Variants in LINGO2 observed in about 807,000 individuals in gnomAD.
The protein encoded by LINGO2 is leucine-rich repeat and immunoglobulin-like domain-containing nogo receptor-interacting protein 2.
A neutral mutation model predicts 30.6 loss-of-function variants in LINGO2; 14 were observed. That is an observed-to-expected ratio of 0.46 (90% confidence interval 0.30 to 0.72). The LOEUF (loss-of-function observed/expected upper bound fraction) is 0.72. Among genes scored for constraint, LINGO2 ranks in the 30% least tolerant of loss-of-function variants. The pLI, the probability that LINGO2 is intolerant of heterozygous loss-of-function variation, is 0.07. For missense variants in LINGO2, 729 were observed against 751.7 expected, an observed-to-expected ratio of 0.97 and a Z score of 0.35; for synonymous variants, 317 against 288.5, an observed-to-expected ratio of 1.10 and a Z score of -1.00.
the LINGO2 span, among the ~76,000 whole-genome samples, chr9:29,122,690 C>T: frequency 6.6e-6 from 1 of 152,022 alleles, no homozygotes; most frequent in African/African-American, 2.4e-5. Flanking sequence ...TCAAAGGTGA[C>T]TTTGTCAGCT....
At chr9:28,997,899 A>G in the LINGO2 span, among the ~76,000 whole-genome samples, 1 of 152,262 alleles carries the variant, frequency 6.6e-6, no homozygotes, top group African/African-American at 2.4e-5. Context: ...TTATTTTTCA[A>G]TTATCATGCA....
intron 2 of LINGO2, among the ~76,000 whole-genome samples, chr9:28,376,846 A>G (rs1198823684): frequency 6.6e-6 from 1 of 152,138 alleles, no homozygotes; most frequent in Non-Finnish European, 1.5e-5. Context: ...CCTTTCCATT[A>G]TATCTTTCTA....
chr9:28,152,367 G>A (rs1828024916), intron 4 of LINGO2, among the ~76,000 whole-genome samples: 1 of 151,906 alleles, frequency 6.6e-6, no homozygotes, highest in African/African-American at 2.4e-5. Flanking sequence ...CTCCTCTTCC[G>A]TTTCTGCCTG....
At chr9:29,042,242 C>T in the LINGO2 span, among the ~76,000 whole-genome samples, 2 of 151,920 alleles carry the variant, frequency 1.3e-5, no homozygotes, top group Non-Finnish European at 2.9e-5. Context: ...GGCCATACCA[C>T]CCTGAATGCA....
the LINGO2 span, among the ~76,000 whole-genome samples, chr9:28,738,845 T>C: frequency 6.6e-6 from 1 of 152,056 alleles, no homozygotes; most frequent in Non-Finnish European, 1.5e-5. Flanking sequence ...TAAGTAAATA[T>C]ATTTGATAAC....
the LINGO2 span, among the ~76,000 whole-genome samples, chr9:29,039,499 C>T: frequency 6.6e-6 from 1 of 152,142 alleles, no homozygotes; most frequent in Non-Finnish European, 1.5e-5. Flanking sequence ...TTACTGCCAA[C>T]CATGGTGACA....
chr9:29,195,699 A>G, the LINGO2 span, among the ~76,000 whole-genome samples: 4 of 152,150 alleles, frequency 2.6e-5, no homozygotes, highest in African/African-American at 9.7e-5. Flanking sequence ...TTTTGCTAAT[A>G]TTGAATTTTG....
intron 4 of LINGO2, among the ~76,000 whole-genome samples, chr9:28,156,814 C>T (rs1828144236): frequency 6.6e-6 from 1 of 152,246 alleles, no homozygotes. Flanking sequence ...TGAAATCCAG[C>T]AGGGCAGTCA....
chr9:28,672,517 T>C (rs1026152221), upstream of LINGO2, among the ~76,000 whole-genome samples: 2 of 152,202 alleles, frequency 1.3e-5, no homozygotes, highest in African/African-American at 4.8e-5. Flanking sequence ...TTGGCTTACA[T>C]ATTGGATATC....
At chr9:28,511,064 G>A (rs1016925072) in intron 1 of LINGO2, among the ~76,000 whole-genome samples, 13 of 151,754 alleles carry the variant, frequency 8.6e-5, no homozygotes, top group African/African-American at 9.7e-5. Context: ...GCCTTCCCCA[G>A]CCCACCGATT....
intron 4 of LINGO2, among the ~76,000 whole-genome samples, chr9:28,016,382 A>G (rs184403048): frequency 6.6e-6 from 1 of 152,250 alleles, no homozygotes; most frequent in African/African-American, 2.4e-5. Context: ...CTTCTAGGAT[A>G]TTTTTATCCC....
intron 4 of LINGO2, among the ~76,000 whole-genome samples, chr9:28,215,523 A>G (rs922802129): frequency 1.3e-5 from 2 of 151,854 alleles, no homozygotes; most frequent in Non-Finnish European, 2.9e-5. Context: ...CTTAAATCAC[A>G]TTTTTTGAGC....
intron 5 of LINGO2, among the ~76,000 whole-genome samples, chr9:28,005,790 A>T (rs984024618): frequency 1.3e-4 from 20 of 152,000 alleles, no homozygotes; most frequent in Admixed American, 6.6e-4. Flanking sequence ...TTTCCTTTAT[A>T]GGGCCACCAA....
the LINGO2 span, among the ~76,000 whole-genome samples, chr9:28,929,010 A>G: frequency 6.6e-6 from 1 of 152,194 alleles, no homozygotes; most frequent in South Asian, 2.1e-4. Context: ...GAGAGTGGAG[A>G]CTGTAAACTA....
intron 5 of LINGO2, among the ~76,000 whole-genome samples, chr9:27,991,130 C>A (rs903200806): frequency 1.3e-5 from 2 of 152,020 alleles, no homozygotes; most frequent in East Asian, 1.9e-4. Context: ...ATTACACAAA[C>A]CTTAATGATT....
chr9:29,144,845 G>A, the LINGO2 span, among the ~76,000 whole-genome samples: 2 of 151,904 alleles, frequency 1.3e-5, no homozygotes, highest in African/African-American at 4.8e-5. Flanking sequence ...AAATTGGGCA[G>A]GCAAAAAACA....
intron 1 of LINGO2, among the ~76,000 whole-genome samples, chr9:28,578,759 C>T (rs1281700498): frequency 1.3e-5 from 2 of 152,118 alleles, no homozygotes; most frequent in Admixed American, 6.6e-5. Flanking sequence ...ATTAACATTC[C>T]TCAGTATAAC....
chr9:28,729,675 A>G, the LINGO2 span, among the ~76,000 whole-genome samples: 1 of 152,042 alleles, frequency 6.6e-6, no homozygotes, highest in Non-Finnish European at 1.5e-5. Context: ...AAAGCAGGAG[A>G]AAAGAAGATA....
the LINGO2 span, among the ~76,000 whole-genome samples, chr9:28,884,577 C>T: frequency 6.6e-6 from 1 of 151,314 alleles, no homozygotes; most frequent in African/African-American, 2.4e-5. Context: ...GGACCTTTGT[C>T]CATCTGTAAA....
Sources: gnomAD v4.1 joint callset for allele counts (sites outside exome capture counted in the v4.1 genomes callset) on GRCh38, gnomAD v4.1.1 for gene constraint, MANE v1.5 for transcripts, NCBI Gene and HGNC (gene_info 2026-07-23, HGNC 2026-07-21) for gene names.